Variants in ZNF385D observed in about 807,000 individuals in gnomAD.
ZNF385D encodes the protein zinc finger protein 385D, also known as zinc finger protein 659.
In ZNF385D, 15 loss-of-function variants were observed where a neutral mutation model predicts 35.8. That is an observed-to-expected ratio of 0.42 (90% CI 0.28 to 0.64). The LOEUF (loss-of-function observed/expected upper bound fraction) is 0.64. ZNF385D is among the 30% of genes least tolerant of loss of function. ZNF385D has a pLI of 0.23. For missense variants in ZNF385D, 474 were observed against 494.6 expected (o/e 0.96, Z 0.39); for synonymous variants, 212 against 186.8 (o/e 1.13, Z -1.10).
rs917046430 is a variant in ZNF385D at position 21,832,587 on chromosome 3, T to C, written c.326-167559A>G. The stretch of plus-strand genomic sequence containing the variant: ...TTAAGGTCACGGCTGCTCCAGACAA[T>C]GCCCTGTGTAACCGGTAAATACATT... On this transcript the variant is annotated intron_variant, in intron 3 of 5. Coordinates refer to the ZNF385D transcript ENST00000494108. Among the ~76,000 whole-genome samples, 6 of 152,192 alleles carry C rather than the reference T, an allele frequency of 3.9e-5. No homozygotes were observed. In the East Asian group the frequency reaches 1.2e-3, roughly 29 times the overall value.
At chr3:21,470,266 A>G (rs952846623) in intron 4 of ZNF385D, among the ~76,000 whole-genome samples, 2 of 152,140 alleles carry the variant, frequency 1.3e-5, no homozygotes, top group African/African-American at 4.8e-5. Flanking sequence ...TTTTCGTTTA[A>G]AATGGAGTGG....
intron 1 of ZNF385D, among the ~76,000 whole-genome samples, chr3:21,694,042 C>CTTTTTTTT (rs35586361): frequency 0.019 from 419 of 22,140 alleles, 106 homozygotes; most frequent in African/African-American, 0.079. Flanking sequence ...CTACGCCTGG[C>CTTTTTTTT]TTTTTTTTTT....
In ZNF385D at chr3:21,976,499, T is replaced by C. The variant is rs151091123; in HGVS notation, c.325+192318A>G. On this transcript the variant is annotated intron_variant, in intron 3 of 5. Coordinates refer to the ZNF385D transcript ENST00000494108. ...AGCTGAAGATAAATGATCTGGAAGA[T>C]AGATCAAAAGAAAATATCTAGACTA... Among the ~76,000 whole-genome samples, 381 of 152,212 alleles carry C rather than the reference T, an allele frequency of 2.5e-3. 1 individual carries two copies. The highest frequency in any genetic ancestry group is 8.6e-3 in the African/African-American group (357 of 41,540).
chr3:22,240,402 C>T (rs754288100), intron 2 of ZNF385D, among the ~76,000 whole-genome samples: 1 of 150,918 alleles, frequency 6.6e-6, no homozygotes, highest in Non-Finnish European at 1.5e-5. Context: ...TTCTTCCTGC[C>T]CTTTTGTTAA....
At chr3:21,497,467 T>A (rs1283521353) in intron 4 of ZNF385D, among the ~76,000 whole-genome samples, 1 of 152,214 alleles carries the variant, frequency 6.6e-6, no homozygotes, top group African/African-American at 2.4e-5. Flanking sequence ...ATGGCCAGAC[T>A]GCCCAAAACA....
chr3:21,807,344 T>C (rs910509240), intron 3 of ZNF385D, among the ~76,000 whole-genome samples: 26 of 152,162 alleles, frequency 1.7e-4, no homozygotes, highest in Non-Finnish European at 2.5e-4. Context: ...ATTTAGAAAA[T>C]TTTGGTTTAT....
At chr3:22,177,683 T>C (rs111364303) in intron 2 of ZNF385D, among the ~76,000 whole-genome samples, 466 of 152,262 alleles carry the variant, frequency 3.1e-3, no homozygotes, top group African/African-American at 0.011. Flanking sequence ...GCTGTAGCCA[T>C]TAACTCGTCA....
chr3:22,289,675 C>A (rs1354571783), intron 2 of ZNF385D, among the ~76,000 whole-genome samples: 1 of 152,136 alleles, frequency 6.6e-6, no homozygotes, highest in Non-Finnish European at 1.5e-5. Context: ...ATTCTGTAAT[C>A]AAGGGAGAAT....
intron 3 of ZNF385D, among the ~76,000 whole-genome samples, chr3:21,528,811 T>C (rs1575111833): frequency 1.3e-5 from 2 of 152,162 alleles, no homozygotes; most frequent in East Asian, 3.9e-4. Context: ...TCAGCCAAAG[T>C]AAAGAAGAGA....
At chr3:22,060,725 A>T (rs1699646713) in intron 3 of ZNF385D, among the ~76,000 whole-genome samples, 1 of 152,058 alleles carries the variant, frequency 6.6e-6, no homozygotes, top group Non-Finnish European at 1.5e-5. Context: ...TATAATATAG[A>T]TTATTATTGG....
intron 3 of ZNF385D, among the ~76,000 whole-genome samples, chr3:21,836,118 C>A (rs753501772): frequency 5.3e-5 from 8 of 151,860 alleles, no homozygotes; most frequent in Non-Finnish European, 1.0e-4. Context: ...ATTATGGAAG[C>A]AAATTTTGGG....
intron 4 of ZNF385D, among the ~76,000 whole-genome samples, chr3:21,464,536 A>G (rs181689893): frequency 5.3e-5 from 8 of 152,242 alleles, no homozygotes; most frequent in Admixed American, 3.9e-4. Flanking sequence ...TCTCTCTGGA[A>G]CATTATATTA....
chr3:21,517,331 G>A (rs569868516), intron 3 of ZNF385D, among the ~76,000 whole-genome samples: 1 of 152,178 alleles, frequency 6.6e-6, no homozygotes, highest in East Asian at 1.9e-4. Flanking sequence ...CCTGTGAAGG[G>A]TCGTAGAAAC....
At chr3:22,003,027 C>T (rs1357174100) in intron 3 of ZNF385D, among the ~76,000 whole-genome samples, 1 of 152,134 alleles carries the variant, frequency 6.6e-6, no homozygotes, top group African/African-American at 2.4e-5. Flanking sequence ...GAAAAGGATG[C>T]CCACTCTTAC....
intron 3 of ZNF385D, among the ~76,000 whole-genome samples, chr3:21,819,781 AAATAT>A (rs932905653): frequency 6.2e-5 from 3 of 48,440 alleles, no homozygotes; most frequent in Non-Finnish European, 1.1e-4. Flanking sequence ...TAATACACAT[AAATAT>A]AATATACATA....
chr3:22,317,006 A>G (rs1703923851), intron 2 of ZNF385D, among the ~76,000 whole-genome samples: 1 of 151,968 alleles, frequency 6.6e-6, no homozygotes, highest in Admixed American at 6.6e-5. Context: ...GGTGGGGAGC[A>G]GTGACTCACC....
intron 3 of ZNF385D, among the ~76,000 whole-genome samples, chr3:22,136,941 T>G (rs1437222814): frequency 6.6e-6 from 1 of 152,108 alleles, no homozygotes; most frequent in Admixed American, 6.6e-5. Context: ...GAGGGATGAT[T>G]AGATAGAGCA....
intron 2 of ZNF385D, among the ~76,000 whole-genome samples, chr3:22,340,611 A>G (rs1402097195): frequency 1.3e-5 from 2 of 152,204 alleles, no homozygotes; most frequent in African/African-American, 4.8e-5. Context: ...GTGCCACTGC[A>G]CTACAGCATC....
chr3:21,674,935 C>G (rs73040074), intron 1 of ZNF385D, among the ~76,000 whole-genome samples: 273 of 138,278 alleles, frequency 2.0e-3, no homozygotes, highest in East Asian at 3.2e-3. Flanking sequence ...TGGATGGATG[C>G]ATGGATGGAT....
Sources: allele counts gnomAD v4.1 joint callset (sites outside exome capture counted in the v4.1 genomes callset), GRCh38; gene constraint gnomAD v4.1.1; transcripts MANE v1.5; gene names NCBI Gene and HGNC (gene_info 2026-07-23, HGNC 2026-07-21).